The following IQCF1 variants were observed in gnomAD, a reference collection of about 807,000 sequenced individuals.
IQCF1 encodes IQ motif containing F1, also known as IQ domain-containing protein F1.
A neutral mutation model predicts 12.5 loss-of-function variants in IQCF1; 9 were observed. The ratio of observed to expected loss-of-function variants is 0.72; its 90% CI spans 0.43 to 1.26. The LOEUF (loss-of-function observed/expected upper bound fraction) is 1.26. Among genes scored for constraint, IQCF1 ranks in the 50% most tolerant of loss-of-function variants. The probability of loss-of-function intolerance (pLI) is 0.00; values close to 1 mark genes in which losing one functional copy is unlikely to be tolerated. For missense variants in IQCF1, 252 were observed against 257.4 expected, an observed-to-expected ratio of 0.98 and a Z score of 0.14; for synonymous variants, 67 against 96.2, an observed-to-expected ratio of 0.70 and a Z score of 1.78.
At position 51,895,325 on chromosome 3, in the gene IQCF1, G is replaced by C. The variant is rs146505506; in HGVS notation, c.183C>G (p.Asn61Lys). 1.3e-6 allele frequency: 2 copies of C among 1,550,728 alleles called. No individual in the cohort carries two copies. The highest frequency in any genetic ancestry group is 1.7e-6 in the Non-Finnish European group (2 of 1,155,416). Residue 61 changes from asparagine (N) to lysine (K), a missense_variant, in exon 4 of 4, where the codon AAC becomes AAG. By Grantham distance (94) the Asn-to-Lys change is moderately conservative (BLOSUM62 0). Transcript: ENST00000310914. This position sits in a 1 kb window ranked among gnomAD's most constrained non-coding sequence, Gnocchi z 4.8. ...TATCTTTGTCAGAGAGCTTCTTTTGGTTTTCTGGGGGCTTTCAAGAAAAAA... is the reference window on the plus strand; with the variant it reads ...TATCTTTGTCAGAGAGCTTCTTTTGCTTTTCTGGGGGCTTTCAAGAAAAAA... ...ANEKSEKPPE[N>K]QKKLSDKDTV...
intron 2 of IQCF1, among the ~76,000 whole-genome samples, chr3:51,897,401 ATTTC>A (rs1699021113): frequency 6.6e-6 from 1 of 152,178 alleles, no homozygotes; most frequent in African/African-American, 2.4e-5. Flanking sequence ...TTTGAGTGCT[ATTTC>A]TTTTGCGGCA....
chr3:51,902,519 TC>T (rs1577638012), intron 2 of IQCF1, among the ~76,000 whole-genome samples: 1 of 152,118 alleles, frequency 6.6e-6, no homozygotes, highest in South Asian at 2.1e-4. Flanking sequence ...GATTACCTAC[TC>T]CCCCCTGACT....
intron 2 of IQCF1, among the ~76,000 whole-genome samples, chr3:51,902,238 C>A (rs1699083131): frequency 6.6e-6 from 1 of 152,176 alleles, no homozygotes; most frequent in East Asian, 1.9e-4. Context: ...ACAGCACTTA[C>A]TAAAACCTCC....
At chr3:51,901,528 C>G (rs1271768415) in intron 2 of IQCF1, among the ~76,000 whole-genome samples, 5 of 152,184 alleles carry the variant, frequency 3.3e-5, no homozygotes, top group Non-Finnish European at 5.9e-5. Flanking sequence ...TTACTGGACG[C>G]TCTGATGAAT....
intron 2 of IQCF1, among the ~76,000 whole-genome samples, chr3:51,899,660 A>G (rs1313353197): frequency 6.6e-6 from 1 of 152,246 alleles, no homozygotes; most frequent in African/African-American, 2.4e-5. Flanking sequence ...TGAACTGGAC[A>G]TTAAAATAAA....
Position 51,895,057 on chromosome 3 carries a change from C to A in IQCF1, c.451G>T (p.Val151Phe). 6.2e-7 allele frequency: 1 copy of A among 1,614,262 alleles called. No individual in the cohort carries two copies. Among genetic ancestry groups the A allele is most frequent in the Non-Finnish European group, 8.5e-7 (1 of 1,180,052 alleles). The change falls in exon 4 of 4, where the codon GTT becomes TTT. Residue 151 changes from valine to phenylalanine, a missense_variant. Val to Phe is a conservative substitution (Grantham distance 50). Coordinates refer to ENST00000310914, the MANE Select transcript of IQCF1 (RefSeq NM_152397.3). The surrounding 1 kb of genome is among the most constrained non-coding windows in gnomAD (Gnocchi z 4.8). ...RRRYCQVLNA[V>F]RIIQAYWRCR... ...CTCCAGTAAGCCTGGATGATGCGAA[C>A]AGCATTGAGCACCTGGCAATAGCGT...
chr3:51,898,216 CAA>C (rs1699034335), intron 2 of IQCF1, among the ~76,000 whole-genome samples: 1 of 148,882 alleles, frequency 6.7e-6, no homozygotes, highest in African/African-American at 2.5e-5. Context: ...GAAACACAGT[CAA>C]AGAGAGAGAG....
At chr3:51,896,693 G>A (rs562105038) in intron 3 of IQCF1, 139 bp downstream of exon 3, 49 of 653,804 alleles carry the variant, frequency 7.5e-5, no homozygotes, top group South Asian at 5.1e-4. Context: ...TCAAACACGC[G>A]CGCACACACA....
rs1251041637 is a variant in IQCF1 at position 51,900,140 on chromosome 3, A to C, written c.108+2845T>G. ...CCGGTAAACCAGCACCAGCCTGAAG[A>C]TCACATTCTCATCAAAGGGTGGAAA... is the stretch of plus-strand genomic sequence containing the variant. On this transcript the variant is annotated intron_variant, in intron 2 of 3. Coordinates refer to ENST00000310914, the MANE Select transcript of IQCF1 (RefSeq NM_152397.3). The surrounding 1 kb of genome is among the most constrained non-coding windows in gnomAD (Gnocchi z 4.2). Among the ~76,000 whole-genome samples, 3 of 152,112 alleles carry C rather than the reference A, an allele frequency of 2.0e-5. No individual in the cohort carries two copies. Among genetic ancestry groups the C allele is most frequent in the Non-Finnish European group, 4.4e-5 (3 of 68,022 alleles).
At chr3:51,896,695 G>GCACA (rs766593079) in intron 3 of IQCF1, 137 bp downstream of exon 3, 103 of 561,198 alleles carry the variant, frequency 1.8e-4, no homozygotes, top group Non-Finnish European at 2.8e-4. Flanking sequence ...AAACACGCGC[G>GCACA]CACACACACA....
In IQCF1 at chr3:51,895,018, C is replaced by T; in HGVS notation, c.490G>A (p.Ala164Thr). The change falls in exon 4 of 4, where the codon GCT becomes ACT. Residue 164 changes from alanine (A) to threonine (T), a missense_variant. Ala to Thr is a moderately conservative substitution (Grantham distance 58). Coordinates refer to ENST00000310914, the MANE Select transcript of IQCF1 (RefSeq NM_152397.3). This position sits in a 1 kb window ranked among gnomAD's most constrained non-coding sequence, Gnocchi z 4.8. Reference sequence around the variant, plus strand: ...TGGCCCTTGATGAACCCCCGGGAAGCACAGGAGCGGCACCTCCAGTAAGCC... The same window carrying T: ...TGGCCCTTGATGAACCCCCGGGAAGTACAGGAGCGGCACCTCCAGTAAGCC... ...IQAYWRCRSC[A>T]SRGFIKGQYR... is the part of the protein sequence containing the mutation. 2 of 1,614,258 alleles carry T rather than the reference C, an allele frequency of 1.2e-6. No homozygotes were observed. Among genetic ancestry groups the T allele is most frequent in the Non-Finnish European group, 1.7e-6 (2 of 1,180,044 alleles).
chr3:51,896,788 C>A, intron 3 of IQCF1, 44 bp downstream of exon 3: 1 of 1,450,800 alleles, frequency 6.9e-7, no homozygotes, highest in South Asian at 1.1e-5. Flanking sequence ...CAGCACAGCC[C>A]CCACATCCCC....
At chr3:51,897,469 C>T (rs373282401) in intron 2 of IQCF1, among the ~76,000 whole-genome samples, 6 of 152,244 alleles carry the variant, frequency 3.9e-5, no homozygotes, top group East Asian at 1.9e-4. Context: ...CATTCCCCTC[C>T]GGGGGTGGTC....
chr3:51,901,046 A>G (rs1242511264), intron 2 of IQCF1, among the ~76,000 whole-genome samples: 1 of 152,244 alleles, frequency 6.6e-6, no homozygotes, highest in Non-Finnish European at 1.5e-5. Context: ...GAAGCGAAAG[A>G]CTTAAAACAA....
At chr3:51,899,640 A>C (rs1051914212) in intron 2 of IQCF1, among the ~76,000 whole-genome samples, 4 of 152,254 alleles carry the variant, frequency 2.6e-5, no homozygotes, top group Non-Finnish European at 4.4e-5. Flanking sequence ...GGTATCATCC[A>C]GTTTTTCTGT....
chr3:51,902,411 A>G (rs1363254019), intron 2 of IQCF1, among the ~76,000 whole-genome samples: 1 of 152,244 alleles, frequency 6.6e-6, no homozygotes, highest in African/African-American at 2.4e-5. Context: ...TCAAAGAATC[A>G]GTATGTCAAT....
chr3:51,899,703 G>A (rs534756785), intron 2 of IQCF1, among the ~76,000 whole-genome samples: 108 of 152,250 alleles, frequency 7.1e-4, no homozygotes, highest in South Asian at 1.5e-3. Flanking sequence ...GCATTAACCT[G>A]CTCTTTAACA....
chr3:51,898,698 A>C (rs1577636282), intron 2 of IQCF1, among the ~76,000 whole-genome samples: 2 of 152,220 alleles, frequency 1.3e-5, no homozygotes, highest in Non-Finnish European at 2.9e-5. Context: ...AGATGATTTA[A>C]CATTAACCAC....
intron 2 of IQCF1, among the ~76,000 whole-genome samples, chr3:51,897,917 T>C (rs1699030052): frequency 6.6e-6 from 1 of 152,156 alleles, no homozygotes; most frequent in Non-Finnish European, 1.5e-5. Flanking sequence ...ACCCCCTGGT[T>C]TGAGGGGTTG....
Sources: gnomAD v4.1 joint callset for allele counts (sites outside exome capture counted in the v4.1 genomes callset) on GRCh38, gnomAD v4.1.1 for gene constraint, Gnocchi (gnomAD v3.1) non-coding constraint, MANE v1.5 for transcripts, NCBI Gene and HGNC (gene_info 2026-07-23, HGNC 2026-07-21) for gene names.